Variants in CCSER1 observed in about 807,000 individuals in gnomAD.
The protein encoded by CCSER1 is serine-rich coiled-coil domain-containing protein 1.
CCSER1 carries 41 observed loss-of-function variants against 82.0 expected under a neutral mutation model. That is an observed-to-expected ratio of 0.50 (90% confidence interval 0.39 to 0.65). The LOEUF (loss-of-function observed/expected upper bound fraction) is 0.65, where lower values mean the gene tolerates loss of function less well. Among genes scored for constraint, CCSER1 ranks in the 30% least tolerant of loss-of-function variants. CCSER1 has a pLI of 0.00. For missense variants in CCSER1, 1,119 were observed against 1,064.2 expected (o/e 1.05, Z -0.72); for synonymous variants, 414 against 383.9 (o/e 1.08, Z -0.92).
At chr4:91,298,614 G>C (rs188722818) in intron 10 of CCSER1, among the ~76,000 whole-genome samples, 26 of 152,102 alleles carry the variant, frequency 1.7e-4, no homozygotes, top group South Asian at 1.2e-3. Context: ...GACTAACTAA[G>C]AAGGGCAAAA....
intron 8 of CCSER1, among the ~76,000 whole-genome samples, chr4:90,846,426 T>A (rs1015200396): frequency 3.3e-5 from 5 of 152,128 alleles, no homozygotes; most frequent in African/African-American, 1.2e-4. Context: ...CTGCCCATCA[T>A]AATGATTAAA....
chr4:90,777,758 A>T (rs1353081002), intron 7 of CCSER1, among the ~76,000 whole-genome samples: 1 of 152,176 alleles, frequency 6.6e-6, no homozygotes. Flanking sequence ...TACATGTGTT[A>T]TGAGGCAATA....
intron 10 of CCSER1, among the ~76,000 whole-genome samples, chr4:91,166,420 C>T (rs1430346695): frequency 1.3e-5 from 2 of 151,952 alleles, no homozygotes; most frequent in East Asian, 3.9e-4. Flanking sequence ...TCATTTTAAC[C>T]AATGTTAGTT....
chr4:90,959,575 T>A (rs945338523), intron 9 of CCSER1, among the ~76,000 whole-genome samples: 3 of 152,130 alleles, frequency 2.0e-5, no homozygotes, highest in Admixed American at 1.3e-4. Context: ...TACCATTTAA[T>A]CCTAAAAATA....
chr4:90,949,949 A>G (rs1420878223), intron 9 of CCSER1, among the ~76,000 whole-genome samples: 4 of 152,134 alleles, frequency 2.6e-5, no homozygotes, highest in Non-Finnish European at 5.9e-5. Context: ...AATAAGTGCT[A>G]TGTGTCCCTT....
intron 5 of CCSER1, among the ~76,000 whole-genome samples, chr4:90,560,694 A>G (rs567445581): frequency 1.3e-5 from 2 of 152,230 alleles, no homozygotes; most frequent in South Asian, 2.1e-4. Flanking sequence ...TGCCTTTCTC[A>G]TATAATGTTA....
At chr4:91,192,645 T>C (rs140988001) in intron 10 of CCSER1, among the ~76,000 whole-genome samples, 19 of 152,234 alleles carry the variant, frequency 1.2e-4, no homozygotes, top group African/African-American at 3.6e-4. Context: ...GGAAGAACCT[T>C]GATTTAGCCC....
intron 10 of CCSER1, among the ~76,000 whole-genome samples, chr4:91,413,596 T>A (rs1004002997): frequency 6.6e-6 from 1 of 151,840 alleles, no homozygotes; most frequent in Non-Finnish European, 1.5e-5. Context: ...ATTAAGAGCA[T>A]CCTAGAAGGA....
At chr4:90,518,211 G>A (rs2153622222) in intron 5 of CCSER1, among the ~76,000 whole-genome samples, 1 of 152,108 alleles carries the variant, frequency 6.6e-6, no homozygotes, top group Non-Finnish European at 1.5e-5. Flanking sequence ...CCACCAATTT[G>A]GTTTTACCTC....
intron 1 of CCSER1, among the ~76,000 whole-genome samples, chr4:90,205,731 T>A (rs1350053472): frequency 6.6e-6 from 1 of 152,026 alleles, no homozygotes; most frequent in African/African-American, 2.4e-5. Flanking sequence ...TAGGGAGGAG[T>A]CCCTCTTTTT....
At chr4:90,854,613 T>C (rs1764256200) in intron 8 of CCSER1, among the ~76,000 whole-genome samples, 1 of 152,178 alleles carries the variant, frequency 6.6e-6, no homozygotes, top group Non-Finnish European at 1.5e-5. Context: ...TTTTCCATCC[T>C]CCAAGACCTC....
At chr4:91,145,739 G>A (rs1051870580) in intron 10 of CCSER1, among the ~76,000 whole-genome samples, 1 of 152,052 alleles carries the variant, frequency 6.6e-6, no homozygotes, top group Non-Finnish European at 1.5e-5. Context: ...TGAAATTGTT[G>A]TTTGGGATGT....
chr4:91,208,805 G>C (rs535578511), intron 10 of CCSER1, among the ~76,000 whole-genome samples: 16 of 151,938 alleles, frequency 1.1e-4, no homozygotes, highest in Non-Finnish European at 2.1e-4. Context: ...GCTTTGGGCA[G>C]TATGACCATT....
chr4:91,528,827 T>G (rs566823595), intron 10 of CCSER1, among the ~76,000 whole-genome samples: 3 of 152,252 alleles, frequency 2.0e-5, no homozygotes, highest in Admixed American at 6.5e-5. Context: ...AATAAATACA[T>G]CATTCAGAGA....
At chr4:91,371,908 A>C (rs963405601) in intron 10 of CCSER1, among the ~76,000 whole-genome samples, 1 of 152,186 alleles carries the variant, frequency 6.6e-6, no homozygotes, top group African/African-American at 2.4e-5. Flanking sequence ...GAAGAATGAC[A>C]CAGGGGGCAT....
At chr4:90,335,161 A>G (rs1404252544) in intron 3 of CCSER1, among the ~76,000 whole-genome samples, 1 of 152,222 alleles carries the variant, frequency 6.6e-6, no homozygotes, top group Non-Finnish European at 1.5e-5. Context: ...ACATGAAGAA[A>G]CAAGTAGCCA....
At chr4:90,200,061 G>GACACAC (rs71596519) in intron 1 of CCSER1, among the ~76,000 whole-genome samples, 16,790 of 144,822 alleles carry the variant, frequency 0.12, 1,473 homozygotes, top group African/African-American at 0.25. Flanking sequence ...CGTGCACGCA[G>GACACAC]ACACACACAC....
At chr4:90,384,808 A>G (rs1033133597) in intron 3 of CCSER1, among the ~76,000 whole-genome samples, 2 of 152,288 alleles carry the variant, frequency 1.3e-5, no homozygotes, top group African/African-American at 4.8e-5. Flanking sequence ...ATAGTGAGGA[A>G]GTCTGAACTT....
At chr4:91,096,381 T>C (rs763114710) in intron 10 of CCSER1, among the ~76,000 whole-genome samples, 2 of 152,194 alleles carry the variant, frequency 1.3e-5, no homozygotes, top group Non-Finnish European at 2.9e-5. Context: ...GACAGAACTT[T>C]AGGGGCTGGC....
Sources: allele counts gnomAD v4.1 joint callset (sites outside exome capture counted in the v4.1 genomes callset), GRCh38; gene constraint gnomAD v4.1.1; transcripts MANE v1.5; gene names NCBI Gene and HGNC (gene_info 2026-07-23, HGNC 2026-07-21).